Variants in TSHZ2 observed in about 807,000 individuals in gnomAD.
TSHZ2 encodes the protein teashirt homolog 2.
Under a neutral mutation model 74.4 loss-of-function variants are expected in TSHZ2, and 21 were observed. The ratio of observed to expected loss-of-function variants is 0.28; its 90% CI spans 0.20 to 0.41. The LOEUF is 0.41. TSHZ2 is among the 10% of genes least tolerant of loss of function. The pLI is 1.00. For missense variants in TSHZ2, 1,244 were observed against 1,293.5 expected (o/e 0.96, Z 0.59); for synonymous variants, 540 against 515.3 (o/e 1.05, Z -0.65).
At chr20:53,370,197 G>T (rs1341770056) in intron 2 of TSHZ2, among the ~76,000 whole-genome samples, 7 of 152,112 alleles carry the variant, frequency 4.6e-5, no homozygotes, top group African/African-American at 1.7e-4. Context: ...TCAGAGAGCA[G>T]CTTTAAAGAA....
chr20:53,249,606 GCAGA>G (rs1990279664), intron 1 of TSHZ2, among the ~76,000 whole-genome samples: 1 of 152,324 alleles, frequency 6.6e-6, no homozygotes, highest in East Asian at 1.9e-4. Context: ...ATGTGATGGT[GCAGA>G]CAAAGAACTT....
At chr20:53,092,690 C>T (rs571914871) in intron 1 of TSHZ2, among the ~76,000 whole-genome samples, 4 of 152,250 alleles carry the variant, frequency 2.6e-5, no homozygotes, top group Non-Finnish European at 4.4e-5. Flanking sequence ...TACATGAGAA[C>T]GGAGTGGGAA....
intron 1 of TSHZ2, among the ~76,000 whole-genome samples, chr20:53,251,322 C>T (rs1990325449): frequency 6.6e-6 from 1 of 152,172 alleles, no homozygotes; most frequent in South Asian, 2.1e-4. Context: ...TGTTACTTGG[C>T]TCAGTAACAA....
intron 2 of TSHZ2, among the ~76,000 whole-genome samples, chr20:53,473,358 C>T (rs1417726856): frequency 2.8e-5 from 4 of 143,054 alleles, no homozygotes; most frequent in Non-Finnish European, 4.6e-5. Context: ...CCCTGACCCC[C>T]GAGCAGCCTA....
intron 1 of TSHZ2, among the ~76,000 whole-genome samples, chr20:53,059,238 A>T (rs1299681886): frequency 1.3e-5 from 2 of 152,224 alleles, no homozygotes; most frequent in Non-Finnish European, 2.9e-5. Context: ...CTTTTAAGGC[A>T]TGTTGTTGGA....
chr20:53,271,596 G>A (rs1036435410), intron 2 of TSHZ2, among the ~76,000 whole-genome samples: 33 of 152,196 alleles, frequency 2.2e-4, no homozygotes, highest in Admixed American at 1.9e-3. Flanking sequence ...GAAGTACGGA[G>A]CCAGTGGGGA....
intron 2 of TSHZ2, among the ~76,000 whole-genome samples, chr20:53,413,241 C>A (rs1253607873): frequency 6.6e-6 from 1 of 152,166 alleles, no homozygotes; most frequent in Non-Finnish European, 1.5e-5. Flanking sequence ...CGTGGCAAGG[C>A]GCGGAAGTGA....
At chr20:53,187,314 T>C (rs1988623760) in intron 1 of TSHZ2, among the ~76,000 whole-genome samples, 1 of 152,178 alleles carries the variant, frequency 6.6e-6, no homozygotes, top group South Asian at 2.1e-4. Context: ...GTATCGATTG[T>C]GTATAGGTTA....
chr20:53,020,239 T>C (rs1983193480), intron 1 of TSHZ2, among the ~76,000 whole-genome samples: 1 of 152,204 alleles, frequency 6.6e-6, no homozygotes, highest in Non-Finnish European at 1.5e-5. Flanking sequence ...TTCGTCACCA[T>C]CGGTCCTCGT....
At chr20:53,035,496 A>G (rs532957407) in intron 1 of TSHZ2, among the ~76,000 whole-genome samples, 1 of 152,330 alleles carries the variant, frequency 6.6e-6, no homozygotes, top group South Asian at 2.1e-4. Flanking sequence ...TTAAATGCAA[A>G]CCAGTACACA....
intron 1 of TSHZ2, among the ~76,000 whole-genome samples, chr20:53,089,505 A>G (rs903169671): frequency 2.6e-5 from 4 of 152,126 alleles, no homozygotes; most frequent in African/African-American, 4.8e-5. Context: ...TGAAGTATCT[A>G]TTACATGCCA....
intron 1 of TSHZ2, among the ~76,000 whole-genome samples, chr20:53,242,308 A>C (rs1990089577): frequency 6.6e-6 from 1 of 152,142 alleles, no homozygotes; most frequent in Non-Finnish European, 1.5e-5. Context: ...CCTGGGGAAC[A>C]AAAACCACCC....
intron 2 of TSHZ2, among the ~76,000 whole-genome samples, chr20:53,391,811 T>C (rs532219742): frequency 6.6e-6 from 1 of 152,286 alleles, no homozygotes; most frequent in African/African-American, 2.4e-5. Context: ...GACGTGGTGG[T>C]GTGCACCTGT....
intron 1 of TSHZ2, among the ~76,000 whole-genome samples, chr20:53,004,195 T>A (rs1306287098): frequency 6.6e-6 from 1 of 151,890 alleles, no homozygotes; most frequent in Non-Finnish European, 1.5e-5. Context: ...TACAGAATAT[T>A]TAAGGGTTTC....
intron 1 of TSHZ2, among the ~76,000 whole-genome samples, chr20:53,061,822 A>G (rs1202927492): frequency 6.6e-6 from 1 of 152,186 alleles, no homozygotes; most frequent in Non-Finnish European, 1.5e-5. Context: ...TTTAAAATCA[A>G]CGAATGTGCT....
chr20:53,152,246 C>G (rs1987692598), intron 1 of TSHZ2, among the ~76,000 whole-genome samples: 1 of 152,078 alleles, frequency 6.6e-6, no homozygotes, highest in Admixed American at 6.5e-5. Flanking sequence ...TAGATCCAAT[C>G]CACTGCAGTC....
At position 53,487,744 on chromosome 20, in the gene TSHZ2, AATT is replaced by A. The variant is rs1332920411; in HGVS notation, c.*614_*616del. 2 of 152,196 alleles carry A rather than the reference AATT, an allele frequency of 1.3e-5. No individual in the cohort carries two copies. The highest frequency in any genetic ancestry group is 2.9e-5 in the Non-Finnish European group (2 of 68,042). The allele number at this position is 152,196 out of a possible 1,614,324, so 9.4% of individuals were successfully genotyped here. ...ACCATTAATCACTGCAAAGTAGAAG[AATT>A]ATTAAGTTAAACCAGAGTTTGAGCC... On this transcript the variant is annotated 3_prime_UTR_variant, in exon 3 of 3. Transcript: ENST00000371497.
At chr20:53,240,789 G>A (rs1990050535) in intron 1 of TSHZ2, among the ~76,000 whole-genome samples, 1 of 147,696 alleles carries the variant, frequency 6.8e-6, no homozygotes, top group African/African-American at 2.5e-5. Context: ...TTTTAGGGGA[G>A]TTTGACTTCT....
At chr20:53,264,686 T>G (rs1317134648) in intron 2 of TSHZ2, among the ~76,000 whole-genome samples, 1 of 152,242 alleles carries the variant, frequency 6.6e-6, no homozygotes, top group Non-Finnish European at 1.5e-5. Flanking sequence ...AAAGGAGATT[T>G]TGTTCAATGA....
Sources: gnomAD v4.1 joint callset for allele counts (sites outside exome capture counted in the v4.1 genomes callset) on GRCh38, gnomAD v4.1.1 for gene constraint, MANE v1.5 for transcripts, NCBI Gene and HGNC (gene_info 2026-07-23, HGNC 2026-07-21) for gene names.